The following IFT140 variants were observed in gnomAD, a reference collection of about 807,000 sequenced individuals.
The protein encoded by IFT140 is intraflagellar transport 140.
In IFT140, 133 loss-of-function variants were observed where a neutral mutation model predicts 164.6. That is an observed-to-expected ratio of 0.81 (90% CI 0.70 to 0.93). IFT140 has a LOEUF of 0.93. Ranked by LOEUF, IFT140 falls within the 40% of genes least tolerant of loss-of-function variation. The pLI, the probability that IFT140 is intolerant of heterozygous loss-of-function variation, is 0.00. For synonymous variants in IFT140, 860 were observed against 817.3 expected (o/e 1.05, Z -0.89); for missense variants, 2,045 against 1,972.3 (o/e 1.04, Z -0.70).
chr16:1,536,308 C>T (rs563642465), intron 19 of IFT140, among the ~76,000 whole-genome samples: 123 of 152,348 alleles, frequency 8.1e-4, no homozygotes, highest in African/African-American at 2.8e-3. Context: ...CCCAGGCGCC[C>T]GGCTGTCCAC....
rs545865311 is a variant in IFT140, at chr16:1,510,947, G to A, written c.4386C>T (p.Pro1462=). Residue 1462 remains proline (P), a synonymous_variant, in exon 31 of 31, where the codon CCC becomes CCT. Coordinates refer to ENST00000426508, the MANE Select transcript of IFT140 (RefSeq NM_014714.4). ...CTGGTCCTGGGGCCCAGGCCCCTCA[G>A]GGGTCGTCATCTGCCTCTTCCACCA... ...EEVVEEADDD[P] 3.7e-6 allele frequency: 6 copies of A among 1,610,860 alleles called. No individual in the cohort carries two copies. Among genetic ancestry groups the A allele is most frequent in the Non-Finnish European group, 5.1e-6 (6 of 1,179,190 alleles).
chr16:1,528,732 G>C (rs1228902225), intron 19 of IFT140: 1 of 152,760 alleles, frequency 6.5e-6, no homozygotes, highest in South Asian at 2.1e-4. Flanking sequence ...CCGCTGGCAC[G>C]GTCACAGGCC....
intron 18 of IFT140, among the ~76,000 whole-genome samples, chr16:1,558,963 A>G (rs1319495970): frequency 6.6e-6 from 1 of 152,238 alleles, no homozygotes; most frequent in Non-Finnish European, 1.5e-5. Context: ...AGTAGGCCTC[A>G]TGGGCGAGAC....
chr16:1,525,082 C>T, intron 22 of IFT140, 149 bp downstream of exon 22: 2 of 1,197,174 alleles, frequency 1.7e-6, no homozygotes, highest in Non-Finnish European at 2.3e-6. Context: ...GGGCCTGGCT[C>T]AGGGCCCTGG....
Position 1,520,821 on chromosome 16 carries a change from A to G in IFT140, c.3454-13T>C, listed in dbSNP as rs775244340. The G allele has an allele frequency of 3.8e-6, 6 of 1,598,700 alleles. No homozygotes were observed. The East Asian group carries it at 8.9e-5, about 24-fold the overall frequency. On this transcript the variant is annotated splice_polypyrimidine_tract_variant and intron_variant, in intron 26 of 30. Coordinates refer to ENST00000426508, the MANE Select transcript of IFT140 (RefSeq NM_014714.4). ...GGGCTTCCTGATACTGCAAAGGTGCAGAAATGGGACGGGGCTGCCGAGGGG... is the reference window on the plus strand; with the variant it reads ...GGGCTTCCTGATACTGCAAAGGTGCGGAAATGGGACGGGGCTGCCGAGGGG...
At chr16:1,604,065 ATATT>A (rs2035926248) in intron 3 of IFT140, among the ~76,000 whole-genome samples, 1 of 152,226 alleles carries the variant, frequency 6.6e-6, no homozygotes, top group Admixed American at 6.5e-5. Flanking sequence ...GAATTTAATA[ATATT>A]TATTTTAAAA....
At chr16:1,527,019 G>A (rs940173804) in intron 19 of IFT140, 22 of 540,982 alleles carry the variant, frequency 4.1e-5, no homozygotes, top group Non-Finnish European at 5.2e-5. Context: ...GGCAGGGGCC[G>A]GGTCCCATTA....
At chr16:1,534,429 G>A (rs775334376) in intron 19 of IFT140, 3 of 1,612,280 alleles carry the variant, frequency 1.9e-6, no homozygotes, top group Non-Finnish European at 2.5e-6. Context: ...CTGCTGGCTG[G>A]TGGACAGGAC....
At chr16:1,563,827 T>C (rs1249742937) in intron 17 of IFT140, among the ~76,000 whole-genome samples, 170 bp downstream of exon 17, 1 of 152,216 alleles carries the variant, frequency 6.6e-6, no homozygotes, top group East Asian at 1.9e-4. Context: ...GGTCTCAATA[T>C]ATTGCCCAGG....
chr16:1,566,167 G>A lies in IFT140; in HGVS notation c.1895C>T (p.Thr632Ile). The A allele has an allele frequency of 6.2e-6, 10 of 1,613,040 alleles. No homozygotes were observed. The highest frequency in any genetic ancestry group is 8.5e-6 in the Non-Finnish European group (10 of 1,179,372). Residue 632 changes from threonine to isoleucine, a missense_variant, in exon 16 of 31, where the codon ACT (threonine) becomes ATT (isoleucine). Transcript: ENST00000426508. Reference protein sequence around the residue: ...RETLSFNEQETNKSHLFVDEG... With the variant: ...RETLSFNEQEINKSHLFVDEG... ...TCCTGAACCACAATCTTACTTATTA[G>A]TCTCTTGCTCATTAAAGGACAGCGT...
intron 30 of IFT140, 138 bp from the exon 31 acceptor site, chr16:1,511,288 G>T: frequency 1.3e-6 from 1 of 766,720 alleles, no homozygotes; most frequent in Non-Finnish European, 2.2e-6. Flanking sequence ...GTGCACTGAG[G>T]CTTCCCATTG....
At chr16:1,527,956 T>G (rs2029899333) in intron 19 of IFT140, among the ~76,000 whole-genome samples, 1 of 152,192 alleles carries the variant, frequency 6.6e-6, no homozygotes, top group Admixed American at 6.5e-5. Context: ...GGACTTGGTT[T>G]GTGTCAGCTC....
chr16:1,558,172 T>A (rs754497481), intron 18 of IFT140, 38 bp from the exon 19 acceptor site: 1 of 1,607,532 alleles, frequency 6.2e-7, no homozygotes, highest in Non-Finnish European at 8.5e-7. Context: ...TTAATTCATA[T>A]GTAAAGCTGA....
chr16:1,598,346 T>A (rs1043699956), intron 4 of IFT140, among the ~76,000 whole-genome samples: 3 of 151,758 alleles, frequency 2.0e-5, no homozygotes, highest in African/African-American at 7.3e-5. Context: ...TAGTCCCAGG[T>A]ACTCGGGAGG....
At chr16:1,583,480 C>G in intron 11 of IFT140, 94 bp from the exon 12 acceptor site, 1 of 892,036 alleles carries the variant, frequency 1.1e-6, no homozygotes, top group Non-Finnish European at 1.8e-6. Context: ...CCTCTAAACA[C>G]TTCTGAACAC....
Position 1,553,843 on chromosome 16 carries a change from C to T in IFT140, c.2399+4092G>A, listed in dbSNP as rs1438562017. On this transcript the variant is annotated intron_variant, in intron 19 of 30. Transcript: ENST00000426508. The surrounding 1 kb of genome is among the most constrained non-coding windows in gnomAD (Gnocchi z 4.4). ...ACGCCCGGCTCCATCGCTGCGGCCA[C>T]AGTGTCCTGTTATCCTAGTTGGTAG... 1 of 1,218,744 alleles carries T rather than the reference C, an allele frequency of 8.2e-7. No individual in the cohort carries two copies. The highest frequency in any genetic ancestry group is 5.7e-5 in the East Asian group (1 of 17,438). The allele number at this position is 1,218,744 out of a possible 1,614,324, so 75.5% of individuals were successfully genotyped here.
At chr16:1,541,912 G>C (rs764303813) in intron 19 of IFT140, 2 of 1,582,290 alleles carry the variant, frequency 1.3e-6, no homozygotes, top group African/African-American at 1.3e-5. Flanking sequence ...CTCTGCTCTT[G>C]GCCCACAGTG....
chr16:1,557,257 G>C (rs1037938924), intron 19 of IFT140, among the ~76,000 whole-genome samples: 3 of 152,222 alleles, frequency 2.0e-5, no homozygotes. Context: ...GAGCTCATCT[G>C]CACAGCTAGT....
chr16:1,575,628 C>T (rs1332822786), intron 13 of IFT140, among the ~76,000 whole-genome samples: 1 of 152,112 alleles, frequency 6.6e-6, no homozygotes, highest in African/African-American at 2.4e-5. Flanking sequence ...AGGTATCTTC[C>T]CAAGCTCTAC....
Sources: allele counts gnomAD v4.1 joint callset (sites outside exome capture counted in the v4.1 genomes callset), GRCh38; gene constraint gnomAD v4.1.1; non-coding constraint Gnocchi (gnomAD v3.1); transcripts MANE v1.5; gene names NCBI Gene and HGNC (gene_info 2026-07-23, HGNC 2026-07-21).